Variants in RAB5B observed in about 807,000 individuals in gnomAD.
RAB5B encodes RAB5B, member RAS oncogene family, also known as ras-related protein Rab-5B.
RAB5B carries 11 observed loss-of-function variants against 28.6 expected under a neutral mutation model. That is an observed-to-expected ratio of 0.38 (90% CI 0.24 to 0.64). The LOEUF (loss-of-function observed/expected upper bound fraction) is 0.64. Among genes scored for constraint, RAB5B ranks in the 30% least tolerant of loss-of-function variants. RAB5B has a pLI of 0.53. For synonymous variants in RAB5B, 93 were observed against 97.9 expected, an observed-to-expected ratio of 0.95 and a Z score of 0.29; for missense variants, 169 against 265.6, an observed-to-expected ratio of 0.64 and a Z score of 2.53.
rs1247102363 is a variant in RAB5B, at chr12:55,987,260, G to A, written c.163+137G>A. ...ACTGCAACCTCTGTCTCCCAGGTTC[G>A]AGCGATTCTCATGCCTCAGCCTCCC... On this transcript the variant is annotated intron_variant, in intron 2 of 5. Coordinates refer to ENST00000360299, the MANE Select transcript of RAB5B (RefSeq NM_002868.4). 7.2e-6 allele frequency: 6 copies of A among 831,036 alleles called. 1 individual carries two copies. The highest frequency in any genetic ancestry group is 6.9e-5 in the African/African-American group (4 of 57,714). 51.5% of individuals were successfully genotyped at this position (831,036 alleles called of 1,614,324 possible). A position where few individuals can be genotyped will look rare whatever the true frequency, so the allele number is the denominator to read the frequency against.
chr12:55,985,657 A>G (rs1297502205), intron 1 of RAB5B: 1 of 455,538 alleles, frequency 2.2e-6, no homozygotes, highest in Non-Finnish European at 4.4e-6. Context: ...TCTTTCATCA[A>G]ATACTGATTG....
chr12:55,980,628 C>G, intron 1 of RAB5B: 1 of 1,598,810 alleles, frequency 6.3e-7, no homozygotes, highest in South Asian at 1.1e-5. Context: ...AACTTATCGG[C>G]CTGCTCCTTC....
chr12:55,975,162 C>G (rs1211172726), intron 1 of RAB5B, among the ~76,000 whole-genome samples: 1 of 152,126 alleles, frequency 6.6e-6, no homozygotes, highest in African/African-American at 2.4e-5. Context: ...ATTTCATTAT[C>G]TACATGGGAA....
intron 1 of RAB5B, 123 bp from the exon 2 acceptor site, chr12:55,986,746 G>T: frequency 1.7e-6 from 1 of 584,006 alleles, no homozygotes; most frequent in Admixed American, 3.0e-5. Context: ...TCAGCTGCCT[G>T]GGACCTTCTC....
At chr12:55,989,522 C>T (rs1890048024) in intron 2 of RAB5B, among the ~76,000 whole-genome samples, 1 of 152,170 alleles carries the variant, frequency 6.6e-6, no homozygotes, top group South Asian at 2.1e-4. Flanking sequence ...GATCCACCTG[C>T]CTCAGCCCCC....
chr12:55,975,527 T>C (rs1171667576), intron 1 of RAB5B, among the ~76,000 whole-genome samples: 2 of 151,504 alleles, frequency 1.3e-5, no homozygotes, highest in Non-Finnish European at 2.9e-5. Context: ...GACAGGAGGA[T>C]CACTTGAGCC....
intron 1 of RAB5B, among the ~76,000 whole-genome samples, chr12:55,983,297 G>A (rs942576420): frequency 6.6e-6 from 1 of 152,082 alleles, no homozygotes; most frequent in Non-Finnish European, 1.5e-5. Flanking sequence ...GGCCAGGCTG[G>A]TCTCAAACTC....
chr12:55,987,262 G>A (rs1255318796), intron 2 of RAB5B, 139 bp downstream of exon 2: 25 of 813,424 alleles, frequency 3.1e-5, no homozygotes, highest in Middle Eastern at 3.8e-4. Flanking sequence ...CCAGGTTCGA[G>A]CGATTCTCAT....
At chr12:55,977,487 C>T (rs1044908660) in intron 1 of RAB5B, among the ~76,000 whole-genome samples, 2 of 152,156 alleles carry the variant, frequency 1.3e-5, no homozygotes, top group Non-Finnish European at 2.9e-5. Flanking sequence ...ATCCCTACTG[C>T]ATAACATACC....
At chr12:55,988,699 C>T (rs945414835) in intron 2 of RAB5B, among the ~76,000 whole-genome samples, 1 of 151,990 alleles carries the variant, frequency 6.6e-6, no homozygotes, top group Non-Finnish European at 1.5e-5. Flanking sequence ...GACAGGGTTT[C>T]ACCGTGTTGG....
rs1890312525 is a variant in RAB5B, at chr12:55,996,513, T to G, written c.*4301T>G. The G allele has an allele frequency of 6.6e-6, 1 of 152,298 alleles. No homozygotes were observed. The highest frequency in any genetic ancestry group is 2.4e-5 in the African/African-American group (1 of 41,458). The allele number at this position is 152,298 out of a possible 1,614,324, so 9.4% of individuals were successfully genotyped here. A position where few individuals can be genotyped will look rare whatever the true frequency, so the allele number is the denominator to read the frequency against. ...TTTTTTAAGAGATGGGGTCTTGCTC[T>G]GTTGTCCAGGCTGGAGTGCAGTGCC... is the stretch of plus-strand genomic sequence containing the variant. On this transcript the variant is annotated 3_prime_UTR_variant, in exon 6 of 6. Coordinates refer to ENST00000360299, the MANE Select transcript of RAB5B (RefSeq NM_002868.4).
chr12:55,980,997 G>A, intron 1 of RAB5B: 1 of 1,614,072 alleles, frequency 6.2e-7, no homozygotes, highest in Non-Finnish European at 8.5e-7. Context: ...TCCCCGATCA[G>A]CAGCAACTTG....
chr12:55,978,088 CAGTT>C (rs1372533007), intron 1 of RAB5B, among the ~76,000 whole-genome samples: 3 of 152,216 alleles, frequency 2.0e-5, no homozygotes, highest in Non-Finnish European at 4.4e-5. Context: ...ACAGGAAAAG[CAGTT>C]AGCCCATGCG....
chr12:55,985,625 T>C (rs778906545), intron 1 of RAB5B: 1 of 450,730 alleles, frequency 2.2e-6, no homozygotes, highest in Non-Finnish European at 4.5e-6. Context: ...TCTTAGAAGA[T>C]AGAGGAGCTG....
Position 55,992,213 on chromosome 12 carries a change from G to C in RAB5B, c.*1G>C, listed in dbSNP as rs1352506748. 3 of 1,610,458 alleles carry C rather than the reference G, an allele frequency of 1.9e-6. No homozygotes were observed. Among genetic ancestry groups the C allele is most frequent in the Admixed American group, 3.3e-5 (2 of 59,988 alleles). ...CAAGAGCCAGTGTTGTAGCAACTGA[G>C]GGGGTGGCTAGCAGCAAACAAGTAT... On this transcript the variant is annotated 3_prime_UTR_variant, in exon 6 of 6. Coordinates refer to ENST00000360299, the MANE Select transcript of RAB5B (RefSeq NM_002868.4).
intron 1 of RAB5B, among the ~76,000 whole-genome samples, chr12:55,984,635 C>G (rs866259715): frequency 6.6e-6 from 1 of 152,090 alleles, no homozygotes; most frequent in South Asian, 2.1e-4. Context: ...CACCACCACA[C>G]CCAGCTAATT....
chr12:55,982,515 A>T (rs564636691), intron 1 of RAB5B, among the ~76,000 whole-genome samples: 6 of 152,190 alleles, frequency 3.9e-5, no homozygotes, highest in Admixed American at 2.0e-4. Flanking sequence ...GCTGGTCTCA[A>T]ACTCCTGGGC....
Position 55,995,999 on chromosome 12 carries a change from A to ATTTTTTTTTTTTT in RAB5B, c.*3788_*3789insTTTTTTTTTTTTT, listed in dbSNP as rs1207856151. ...TATATATATACATATATATATATAT[A>ATTTTTTTTTTTTT]TATATTTTTTTTTTAACAACTGGTA... On this transcript the variant is annotated 3_prime_UTR_variant, in exon 6 of 6. Coordinates refer to ENST00000360299, the MANE Select transcript of RAB5B (RefSeq NM_002868.4). 2.3e-5 allele frequency: 2 copies of ATTTTTTTTTTTTT among 85,832 alleles called. No homozygotes were observed. The highest frequency in any genetic ancestry group is 1.1e-4 in the African/African-American group (2 of 18,356). 5.3% of individuals were successfully genotyped at this position (85,832 alleles called of 1,614,324 possible).
At chr12:55,984,508 C>G (rs1229718254) in intron 1 of RAB5B, among the ~76,000 whole-genome samples, 2 of 151,576 alleles carry the variant, frequency 1.3e-5, no homozygotes, top group African/African-American at 2.4e-5. Flanking sequence ...GAGACGGAGT[C>G]TCGCTCTGTC....
Sources: allele counts gnomAD v4.1 joint callset (sites outside exome capture counted in the v4.1 genomes callset), GRCh38; gene constraint gnomAD v4.1.1; transcripts MANE v1.5; gene names NCBI Gene and HGNC (gene_info 2026-07-23, HGNC 2026-07-21).